Variants in GLIS3 observed in about 807,000 individuals in gnomAD.
GLIS3 encodes zinc finger protein GLIS3.
In GLIS3, 53 loss-of-function variants were observed where a neutral mutation model predicts 78.6. The ratio of observed to expected loss-of-function variants is 0.67; its 90% CI spans 0.54 to 0.85. GLIS3 has a LOEUF of 0.85. Among genes scored for constraint, GLIS3 ranks in the 40% least tolerant of loss-of-function variants. GLIS3 has a pLI of 0.00. For synonymous variants in GLIS3, 684 were observed against 509.9 expected, an observed-to-expected ratio of 1.34 and a Z score of -4.60; for missense variants, 1,703 against 1,231.1, an observed-to-expected ratio of 1.38 and a Z score of -5.74.
At chr9:4,217,958 G>A (rs751061326) in intron 2 of GLIS3, among the ~76,000 whole-genome samples, 2 of 152,216 alleles carry the variant, frequency 1.3e-5, no homozygotes, top group African/African-American at 4.8e-5. Context: ...TCTGCTGTGA[G>A]ATTGAAAAGC....
At chr9:4,323,186 C>A (rs1208578245) in intron 2 of GLIS3, among the ~76,000 whole-genome samples, 1 of 152,124 alleles carries the variant, frequency 6.6e-6, no homozygotes, top group African/African-American at 2.4e-5. Context: ...TTCCCCATTG[C>A]TTGTTTTTCT....
At chr9:4,352,550 G>A (rs1817986658), upstream of GLIS3, among the ~76,000 whole-genome samples, 1 of 152,258 alleles carries the variant, frequency 6.6e-6, no homozygotes, top group Non-Finnish European at 1.5e-5. Context: ...ATGCTCTTTA[G>A]AGATGGCCGT....
At chr9:4,377,963 G>A in the GLIS3 span, among the ~76,000 whole-genome samples, 1 of 152,078 alleles carries the variant, frequency 6.6e-6, no homozygotes, top group Non-Finnish European at 1.5e-5. Context: ...ATGTCTATAA[G>A]ATTGTAAAGC....
At chr9:4,353,175 C>A (rs183008343), upstream of GLIS3, among the ~76,000 whole-genome samples, 8 of 152,252 alleles carry the variant, frequency 5.3e-5, no homozygotes, top group African/African-American at 1.7e-4. Context: ...CTCTTGACAT[C>A]CCTGTGCCAT....
chr9:4,397,470 G>C, the GLIS3 span, among the ~76,000 whole-genome samples: 1 of 151,524 alleles, frequency 6.6e-6, no homozygotes, highest in Non-Finnish European at 1.5e-5. Context: ...AACAATAGTA[G>C]GTGGGATGTG....
rs941386593 is a variant in GLIS3 at position 4,284,373 on chromosome 9, C to T, written c.388+1665G>A. Among the ~76,000 whole-genome samples, 19 of 152,156 alleles carry T rather than the reference C, an allele frequency of 1.2e-4. 1 individual carries two copies. The highest frequency in any genetic ancestry group is 2.9e-5 in the Non-Finnish European group (2 of 68,030). On this transcript the variant is annotated intron_variant, in intron 2 of 10. Coordinates refer to ENST00000381971, the MANE Select transcript of GLIS3 (RefSeq NM_001042413.2). ...GTACATATAAAAGCAAGCTACGGTT[C>T]ACTAGTCAAGCATGCGCTAAAAGGC...
chr9:4,348,435 G>A (rs1192551440), upstream of GLIS3: 2 of 152,204 alleles, frequency 1.3e-5, no homozygotes, highest in African/African-American at 4.8e-5. Context: ...AAAAGCAAAA[G>A]AATGCTGCTC....
At chr9:4,019,930 A>T (rs1447145099) in intron 4 of GLIS3, among the ~76,000 whole-genome samples, 4 of 151,684 alleles carry the variant, frequency 2.6e-5, no homozygotes, top group Admixed American at 6.6e-5. Flanking sequence ...TAACATATAA[A>T]TTTTTTTTGT....
intron 4 of GLIS3, among the ~76,000 whole-genome samples, chr9:3,989,881 AAG>A (rs1446987698): frequency 6.6e-6 from 1 of 152,120 alleles, no homozygotes. Context: ...CACACACACA[AAG>A]AGTACAAAAC....
intron 4 of GLIS3, among the ~76,000 whole-genome samples, chr9:4,075,235 A>G (rs578101725): frequency 6.6e-6 from 1 of 152,128 alleles, no homozygotes; most frequent in African/African-American, 2.4e-5. Flanking sequence ...AACTTTTATC[A>G]ATTAGATGTC....
chr9:3,865,425 C>T (rs1363499227), intron 8 of GLIS3, among the ~76,000 whole-genome samples: 1 of 152,176 alleles, frequency 6.6e-6, no homozygotes, highest in East Asian at 1.9e-4. Context: ...AGAGAGGAAG[C>T]ACTTTGGAAT....
At chr9:3,840,117 T>C (rs1818622745) in intron 9 of GLIS3, among the ~76,000 whole-genome samples, 1 of 152,216 alleles carries the variant, frequency 6.6e-6, no homozygotes, top group Non-Finnish European at 1.5e-5. Flanking sequence ...ATATTATGTA[T>C]AACAGTGTTT....
chr9:3,967,416 T>C (rs958302149), intron 4 of GLIS3, among the ~76,000 whole-genome samples: 2 of 151,888 alleles, frequency 1.3e-5, no homozygotes, highest in South Asian at 4.2e-4. Context: ...GGCAGGAGAA[T>C]CACTTGAACC....
At chr9:4,225,133 G>A (rs577330487) in intron 2 of GLIS3, among the ~76,000 whole-genome samples, 16 of 151,576 alleles carry the variant, frequency 1.1e-4, no homozygotes, top group African/African-American at 1.7e-4. Flanking sequence ...CCTCAGAGAC[G>A]TTAAGGAGCT....
At chr9:4,066,037 T>TAAAA (rs375649097) in intron 4 of GLIS3, among the ~76,000 whole-genome samples, 1 of 95,778 alleles carries the variant, frequency 1.0e-5, no homozygotes, top group African/African-American at 4.2e-5. Flanking sequence ...ACCCAAAGAA[T>TAAAA]ATAAAAAAAA....
chr9:4,121,660 C>CAA (rs1160118560), intron 3 of GLIS3, among the ~76,000 whole-genome samples: 1 of 149,374 alleles, frequency 6.7e-6, no homozygotes, highest in Admixed American at 6.7e-5. Context: ...CACACACACA[C>CAA]ACCCCAAAGT....
At chr9:3,981,949 G>T (rs867779559) in intron 4 of GLIS3, among the ~76,000 whole-genome samples, 1 of 152,102 alleles carries the variant, frequency 6.6e-6, no homozygotes, top group African/African-American at 2.4e-5. Flanking sequence ...CTGCCACAGA[G>T]GGAGAGAGGG....
chr9:4,223,773 T>A (rs1453142056), intron 2 of GLIS3, among the ~76,000 whole-genome samples: 1 of 152,182 alleles, frequency 6.6e-6, no homozygotes, highest in Non-Finnish European at 1.5e-5. Flanking sequence ...AAATACTGAT[T>A]TTTTCTACAT....
At chr9:3,932,674 AAG>A in intron 5 of GLIS3, 1 of 532,700 alleles carries the variant, frequency 1.9e-6, no homozygotes, top group South Asian at 1.9e-5. Flanking sequence ...TCAAGGAACA[AAG>A]AGATGCCCTA....
Sources: allele counts gnomAD v4.1 joint callset (sites outside exome capture counted in the v4.1 genomes callset), GRCh38; gene constraint gnomAD v4.1.1; transcripts MANE v1.5; gene names NCBI Gene and HGNC (gene_info 2026-07-23, HGNC 2026-07-21).